Variants in C9 observed in about 807,000 individuals in gnomAD.
C9 encodes the protein complement C9.
In C9, 63 loss-of-function variants were observed where a neutral mutation model predicts 65.4. The observed-to-expected ratio is 0.96, with a 90% CI of 0.79 to 1.19. The LOEUF is 1.19. Ranked by LOEUF, C9 falls within the 50% of genes most tolerant of loss-of-function variation. C9 has a pLI of 0.00. For missense variants in C9, 744 were observed against 670.1 expected (o/e 1.11, Z -1.22); for synonymous variants, 229 against 227.9 (o/e 1.00, Z -0.04).
chr5:39,320,458 A>T (rs181415354), intron 5 of C9, among the ~76,000 whole-genome samples: 6 of 152,308 alleles, frequency 3.9e-5, no homozygotes, highest in Non-Finnish European at 8.8e-5. Context: ...GCTCAAAGAC[A>T]GTTCATTTGA....
At chr5:39,362,264 T>C (rs1295479502) in intron 1 of C9, among the ~76,000 whole-genome samples, 6 of 152,278 alleles carry the variant, frequency 3.9e-5, no homozygotes, top group South Asian at 2.1e-4. Context: ...TAAAATGACA[T>C]CGTTAGGGTG....
rs557357005 is a variant in C9 at position 39,339,106 on chromosome 5, A to G, written c.476+2040T>C. Among the ~76,000 whole-genome samples the G allele has an allele frequency of 1.2e-4, 19 of 152,368 alleles. No homozygotes were observed. In the Middle Eastern group the frequency reaches 0.014, roughly 109 times the overall value. On this transcript the variant is annotated intron_variant, in intron 4 of 10. Transcript: ENST00000263408. ...TCACAATCTTTCCCTGAGGAAATAA[A>G]TAAAAAGAATCAGGACCATTTGAGC... is the stretch of plus-strand genomic sequence containing the variant.
chr5:39,349,032 G>T (rs1158999698), intron 1 of C9, among the ~76,000 whole-genome samples: 1 of 144,900 alleles, frequency 6.9e-6, no homozygotes, highest in Non-Finnish European at 1.5e-5. Context: ...GGGGTGGGGG[G>T]GAGGGGGGAA....
chr5:39,330,415 G>A (rs906980715), intron 5 of C9, among the ~76,000 whole-genome samples: 8 of 152,158 alleles, frequency 5.3e-5, no homozygotes, highest in African/African-American at 1.9e-4. Context: ...ATTCTATGTC[G>A]TACAAGTTAT....
At chr5:39,317,537 G>A (rs1381677985) in intron 5 of C9, among the ~76,000 whole-genome samples, 1 of 152,112 alleles carries the variant, frequency 6.6e-6, no homozygotes, top group Non-Finnish European at 1.5e-5. Flanking sequence ...TAACGAAGGG[G>A]TCCAGTTTCA....
Position 39,341,431 on chromosome 5 carries a change from A to G in C9, c.328+125T>C. The G allele has an allele frequency of 2.8e-6, 4 of 1,420,084 alleles. No homozygotes were observed. The South Asian group carries it at 4.6e-5, about 16-fold the overall frequency. The allele number at this position is 1,420,084 out of a possible 1,614,324, so 88.0% of individuals were successfully genotyped here. A position where few individuals can be genotyped will look rare whatever the true frequency, so the allele number is the denominator to read the frequency against. On this transcript the variant is annotated intron_variant, in intron 3 of 10. Coordinates refer to ENST00000263408, the MANE Select transcript of C9 (RefSeq NM_001737.5). ...TGAGTTCTTTGTACAGAATATATAGATGGCCTCTTTTGGGGCCTTTCACGC... is the reference window on the plus strand; with the variant it reads ...TGAGTTCTTTGTACAGAATATATAGGTGGCCTCTTTTGGGGCCTTTCACGC...
intron 1 of C9, among the ~76,000 whole-genome samples, chr5:39,350,435 G>A (rs1230534709): frequency 6.6e-6 from 1 of 152,100 alleles, no homozygotes; most frequent in Non-Finnish European, 1.5e-5. Flanking sequence ...GTCCCCTAGA[G>A]TCTTAACTTA....
chr5:39,340,947 C>G, intron 4 of C9, 199 bp downstream of exon 4: 1 of 646,162 alleles, frequency 1.5e-6, no homozygotes, highest in East Asian at 2.8e-5. Flanking sequence ...CTACTGAGGG[C>G]AGGCAATTTG....
In C9 at chr5:39,305,612, G is replaced by A. The variant is rs577477251; in HGVS notation, c.1416+1005C>T. ...CTTACTAATAGTACCAGTAAAAGAA[G>A]TAAAGAAAAATGCATACTAGTTTTA... On this transcript the variant is annotated intron_variant, in intron 9 of 10. Coordinates refer to ENST00000263408, the MANE Select transcript of C9 (RefSeq NM_001737.5). Among the ~76,000 whole-genome samples, 4 of 152,086 alleles carry A rather than the reference G, an allele frequency of 2.6e-5. No homozygotes were observed. The East Asian group carries it at 5.8e-4, about 22-fold the overall frequency.
chr5:39,339,118 A>G, intron 4 of C9, among the ~76,000 whole-genome samples: 1 of 152,238 alleles, frequency 6.6e-6, no homozygotes, highest in Non-Finnish European at 1.5e-5. Context: ...AAAAAGAATC[A>G]GGACCATTTG....
chr5:39,362,467 C>T (rs1336424316), intron 1 of C9, among the ~76,000 whole-genome samples: 1 of 152,126 alleles, frequency 6.6e-6, no homozygotes, highest in Non-Finnish European at 1.5e-5. Context: ...CCCAGAGTAT[C>T]GGAGGGAGCA....
chr5:39,351,762 C>A (rs1261894188), intron 1 of C9, among the ~76,000 whole-genome samples: 1 of 152,112 alleles, frequency 6.6e-6, no homozygotes, highest in Non-Finnish European at 1.5e-5. Context: ...AGCATTTTGG[C>A]CCAAATCACT....
chr5:39,309,568 C>T (rs1441599490), intron 7 of C9, among the ~76,000 whole-genome samples: 1 of 152,100 alleles, frequency 6.6e-6, no homozygotes, highest in African/African-American at 2.4e-5. Flanking sequence ...TAACCTTATC[C>T]TTAAGAAGTG....
chr5:39,333,464 T>C (rs1274945248), intron 4 of C9, among the ~76,000 whole-genome samples: 1 of 152,172 alleles, frequency 6.6e-6, no homozygotes, highest in African/African-American at 2.4e-5. Flanking sequence ...GCTATCCCAG[T>C]GATCCCAGTG....
chr5:39,334,510 G>A (rs569432088), intron 4 of C9, among the ~76,000 whole-genome samples: 5 of 133,136 alleles, frequency 3.8e-5, no homozygotes, highest in African/African-American at 8.3e-5. Context: ...CACCCCGTCC[G>A]GGAGGGAGGT....
rs3776534 is a variant in C9 at position 39,310,081 on chromosome 5, C to T, written c.1111+1056G>A. 2.0e-5 allele frequency among the ~76,000 whole-genome samples: 3 copies of T among 152,244 alleles called. No homozygotes were observed. In the East Asian group the frequency reaches 5.8e-4, roughly 29 times the overall value. ...TAAGTAACATTACATTCCACTCCCC[C>T]CCGGGAAAGCTTCTCTCTGCCCAAA... On this transcript the variant is annotated intron_variant, in intron 7 of 10. Transcript: ENST00000263408.
At chr5:39,311,663 C>A (rs757631424) in intron 6 of C9, among the ~76,000 whole-genome samples, 9 of 152,110 alleles carry the variant, frequency 5.9e-5, no homozygotes, top group Non-Finnish European at 1.2e-4. Flanking sequence ...TGCTTATGAC[C>A]AGCCAGCAAT....
At chr5:39,347,282 C>A (rs554339834) in intron 1 of C9, among the ~76,000 whole-genome samples, 4 of 152,296 alleles carry the variant, frequency 2.6e-5, no homozygotes, top group Admixed American at 2.6e-4. Context: ...TCCCTTGTCT[C>A]AGCCCCAAAT....
intron 4 of C9, among the ~76,000 whole-genome samples, chr5:39,333,037 G>C (rs1753873812): frequency 6.6e-6 from 1 of 152,112 alleles, no homozygotes; most frequent in African/African-American, 2.4e-5. Context: ...CCCACTGCCT[G>C]TCCCACCAAA....
Sources: allele counts gnomAD v4.1 joint callset (sites outside exome capture counted in the v4.1 genomes callset), GRCh38; gene constraint gnomAD v4.1.1; transcripts MANE v1.5; gene names NCBI Gene and HGNC (gene_info 2026-07-23, HGNC 2026-07-21).